The following MORC1 variants were observed in gnomAD, a reference collection of about 807,000 sequenced individuals.
MORC1 encodes the protein MORC family CW-type zinc finger 1, also known as MORC family CW-type zinc finger protein 1.
MORC1 carries 59 observed loss-of-function variants against 134.9 expected under a neutral mutation model. The ratio of observed to expected loss-of-function variants is 0.44; its 90% CI spans 0.35 to 0.54. The LOEUF (loss-of-function observed/expected upper bound fraction) is 0.54. MORC1 is among the 20% of genes least tolerant of loss of function. MORC1 has a pLI of 0.00. For synonymous variants in MORC1, 395 were observed against 391.7 expected (o/e 1.01, Z -0.10); for missense variants, 947 against 1,134.5 (o/e 0.83, Z 2.37).
At chr3:108,973,830 A>T (rs1947466433) in intron 24 of MORC1, among the ~76,000 whole-genome samples, 1 of 151,934 alleles carries the variant, frequency 6.6e-6, no homozygotes, top group Admixed American at 6.6e-5. Flanking sequence ...TCCTGGGCTT[A>T]AGTGATCCAC....
At chr3:108,965,937 C>T (rs536959081) in intron 26 of MORC1, among the ~76,000 whole-genome samples, 4 of 152,128 alleles carry the variant, frequency 2.6e-5, no homozygotes, top group Non-Finnish European at 4.4e-5. Context: ...CAGTAAACTA[C>T]GTTTTTATCA....
chr3:108,968,109 T>C (rs1947269610), intron 26 of MORC1, among the ~76,000 whole-genome samples: 1 of 152,206 alleles, frequency 6.6e-6, no homozygotes, highest in African/African-American at 2.4e-5. Flanking sequence ...ACATTATTGA[T>C]GAAAATAATA....
chr3:109,020,202 G>A (rs911719069), intron 17 of MORC1, among the ~76,000 whole-genome samples: 1 of 152,222 alleles, frequency 6.6e-6, no homozygotes, highest in African/African-American at 2.4e-5. Flanking sequence ...TGCATTTTAA[G>A]TAATACTTCA....
chr3:109,088,563 C>A (rs1950658464), intron 8 of MORC1, among the ~76,000 whole-genome samples: 1 of 152,050 alleles, frequency 6.6e-6, no homozygotes, highest in Non-Finnish European at 1.5e-5. Context: ...TGAAAAATTA[C>A]AAATGTTGGA....
intron 26 of MORC1, among the ~76,000 whole-genome samples, chr3:108,965,133 T>C (rs1245793578): frequency 6.6e-6 from 1 of 152,208 alleles, no homozygotes; most frequent in Non-Finnish European, 1.5e-5. Context: ...CACCTGTCAC[T>C]AGCCACTTAA....
chr3:109,042,341 T>C (rs1426482545), intron 14 of MORC1, among the ~76,000 whole-genome samples: 1 of 152,192 alleles, frequency 6.6e-6, no homozygotes, highest in Non-Finnish European at 1.5e-5. Flanking sequence ...AAATGCTCCA[T>C]GTGACTAAGC....
intron 26 of MORC1, among the ~76,000 whole-genome samples, chr3:108,968,094 G>GTT (rs1224651571): frequency 3.9e-5 from 6 of 152,116 alleles, no homozygotes; most frequent in Admixed American, 1.3e-4. Flanking sequence ...ATCAATCCCA[G>GTT]TTTTACATTA....
intron 8 of MORC1, among the ~76,000 whole-genome samples, chr3:109,079,844 C>G: frequency 6.6e-6 from 1 of 151,474 alleles, no homozygotes; most frequent in East Asian, 1.9e-4. Context: ...AGAAAAGCAA[C>G]GGAGGAAAAA....
chr3:109,057,323 GA>G lies in MORC1; in HGVS notation c.1175+19del. On this transcript the variant is annotated intron_variant, in intron 13 of 27. Coordinates refer to ENST00000232603, the MANE Select transcript of MORC1 (RefSeq NM_014429.4). ...CATCCCTTTCTCTGCTTATATCTCTGAAAGCAAAAACATACTCACAAGGACT... is the reference window on the plus strand; with the variant it reads ...CATCCCTTTCTCTGCTTATATCTCTGAAGCAAAAACATACTCACAAGGACT... The G allele has an allele frequency of 6.2e-7, 1 of 1,600,036 alleles. No individual in the cohort carries two copies. Among genetic ancestry groups the G allele is most frequent in the Admixed American group, 1.7e-5 (1 of 57,524 alleles).
chr3:109,105,097 T>C (rs2107788983), intron 3 of MORC1, among the ~76,000 whole-genome samples: 1 of 152,232 alleles, frequency 6.6e-6, no homozygotes, highest in Non-Finnish European at 1.5e-5. Context: ...AAAAGTCACT[T>C]AGAGACTGGA....
chr3:109,076,676 A>G (rs1299121648), intron 8 of MORC1, among the ~76,000 whole-genome samples: 1 of 152,194 alleles, frequency 6.6e-6, no homozygotes, highest in Non-Finnish European at 1.5e-5. Flanking sequence ...TGTCCTTTGC[A>G]GGGACATGGA....
chr3:109,025,031 T>C (rs773621966), intron 17 of MORC1, among the ~76,000 whole-genome samples: 86 of 152,292 alleles, frequency 5.6e-4, no homozygotes, highest in Non-Finnish European at 1.1e-3. Flanking sequence ...TGTTCATGGA[T>C]TATTTTTGTG....
chr3:109,078,114 T>C (rs1406448144), intron 8 of MORC1, among the ~76,000 whole-genome samples: 1 of 152,080 alleles, frequency 6.6e-6, no homozygotes, highest in Non-Finnish European at 1.5e-5. Context: ...AAAATGTATG[T>C]ACATAGCAAT....
chr3:109,034,784 T>C (rs1949335394), intron 15 of MORC1, among the ~76,000 whole-genome samples: 1 of 152,200 alleles, frequency 6.6e-6, no homozygotes, highest in South Asian at 2.1e-4. Context: ...GGACTCACTG[T>C]GTTGCCCAGG....
At chr3:109,093,344 C>T in intron 8 of MORC1, 92 bp downstream of exon 8, 2 of 916,666 alleles carry the variant, frequency 2.2e-6, no homozygotes, top group Non-Finnish European at 3.4e-6. Flanking sequence ...AGTGCTAAAA[C>T]CCAGTGACCT....
At chr3:108,980,258 T>C (rs1035754387) in intron 23 of MORC1, among the ~76,000 whole-genome samples, 10 of 152,334 alleles carry the variant, frequency 6.6e-5, no homozygotes, top group African/African-American at 2.2e-4. Context: ...ACTTTATGCT[T>C]AGAAGCTCCA....
intron 17 of MORC1, 116 bp downstream of exon 17, chr3:109,027,635 G>T: frequency 7.4e-7 from 1 of 1,359,908 alleles, no homozygotes; most frequent in Non-Finnish European, 1.0e-6. Context: ...TGTCAAAAAG[G>T]ACAGGAAAAA....
At chr3:108,999,510 C>T (rs1485993819) in intron 21 of MORC1, among the ~76,000 whole-genome samples, 2 of 152,274 alleles carry the variant, frequency 1.3e-5, no homozygotes, top group East Asian at 3.9e-4. Flanking sequence ...GTGACAATAA[C>T]TTTCTGGTGA....
intron 16 of MORC1, among the ~76,000 whole-genome samples, chr3:109,031,136 G>A (rs1448959953): frequency 2.6e-5 from 4 of 152,132 alleles, no homozygotes; most frequent in Non-Finnish European, 4.4e-5. Flanking sequence ...AACTGCAGAC[G>A]ACAGCTTCCC....
Sources: gnomAD v4.1 joint callset for allele counts (sites outside exome capture counted in the v4.1 genomes callset) on GRCh38, gnomAD v4.1.1 for gene constraint, MANE v1.5 for transcripts, NCBI Gene and HGNC (gene_info 2026-07-23, HGNC 2026-07-21) for gene names.